Variants in DENND1B observed in about 807,000 individuals in gnomAD.
DENND1B encodes the protein DENN domain containing 1B, also known as DENN domain-containing protein 1B.
Under a neutral mutation model 90.1 loss-of-function variants are expected in DENND1B, and 59 were observed. The observed-to-expected ratio is 0.65, with a 90% confidence interval of 0.53 to 0.81. DENND1B has a LOEUF of 0.81. Ranked by LOEUF, DENND1B falls within the 40% of genes least tolerant of loss-of-function variation. The pLI is 0.00. For synonymous variants in DENND1B, 337 were observed against 324.6 expected, an observed-to-expected ratio of 1.04 and a Z score of -0.41; for missense variants, 862 against 912.6, an observed-to-expected ratio of 0.94 and a Z score of 0.71.
intron 13 of DENND1B, among the ~76,000 whole-genome samples, chr1:197,600,145 C>A (rs978897866): frequency 1.3e-5 from 2 of 151,818 alleles, no homozygotes; most frequent in Non-Finnish European, 2.9e-5. Flanking sequence ...CTGAGCTTGG[C>A]TGGACCACAA....
Position 197,540,024 on chromosome 1 carries a change from T to C in DENND1B, c.1455A>G (p.Thr485=), listed in dbSNP as rs780551354. ...YGTCSSSVQY[T]PVYKLHNEKG... The stretch of plus-strand genomic sequence containing the variant: ...TTTCATTGTGTAATTTGTAAACTGG[T>C]GTATATTGTACAGAACTAGAACAGG... Residue 485 remains threonine (T), a synonymous_variant, in exon 20 of 23, where the codon ACA becomes ACG. Transcript: ENST00000620048. 1.2e-6 allele frequency: 2 copies of C among 1,613,462 alleles called. No homozygotes were observed. Among genetic ancestry groups the C allele is most frequent in the Admixed American group, 1.7e-5 (1 of 59,992 alleles).
chr1:197,660,997 A>G (rs1328029348), intron 5 of DENND1B, among the ~76,000 whole-genome samples: 3 of 152,090 alleles, frequency 2.0e-5, no homozygotes, highest in African/African-American at 7.2e-5. Context: ...AGGCTCTAGG[A>G]GGGAGATGCT....
At chr1:197,645,036 T>C (rs1340171112) in intron 9 of DENND1B, among the ~76,000 whole-genome samples, 4 of 152,132 alleles carry the variant, frequency 2.6e-5, no homozygotes, top group African/African-American at 7.2e-5. Context: ...CTTCTACTTG[T>C]CTATGTAAAC....
intron 3 of DENND1B, chr1:197,690,219 C>A: frequency 6.9e-6 from 2 of 289,818 alleles, no homozygotes; most frequent in South Asian, 4.8e-5. Flanking sequence ...CAAAGATACT[C>A]GTCATGGCAA....
At chr1:197,735,445 A>G (rs1662553328) in intron 2 of DENND1B, 1 of 1,485,024 alleles carries the variant, frequency 6.7e-7, no homozygotes, top group Non-Finnish European at 8.9e-7. Flanking sequence ...GCTACTTCTC[A>G]TGGGTTCTCG....
rs576956429 is a variant in DENND1B, at chr1:197,628,498, C to T, written c.673-10739G>A. On this transcript the variant is annotated intron_variant, in intron 10 of 22. Coordinates refer to ENST00000620048, the MANE Select transcript of DENND1B (RefSeq NM_001195215.2). ...ATGTAGAAAGCTGAAACTGGATCCC[C>T]TCCTTACACCTTTTACAAAAATTAA... 6.1e-3 allele frequency among the ~76,000 whole-genome samples: 920 copies of T among 152,042 alleles called. 13 individuals carry two copies. The highest frequency in any genetic ancestry group is 0.02 in the African/African-American group (846 of 41,500).
chr1:197,594,917 G>GT (rs911182859), intron 14 of DENND1B, among the ~76,000 whole-genome samples: 8 of 152,092 alleles, frequency 5.3e-5, no homozygotes, highest in Non-Finnish European at 1.2e-4. Flanking sequence ...TTAAAATACA[G>GT]TAATACAAGT....
At chr1:197,649,576 C>T (rs1219775111) in intron 7 of DENND1B, among the ~76,000 whole-genome samples, 1 of 152,146 alleles carries the variant, frequency 6.6e-6, no homozygotes, top group Non-Finnish European at 1.5e-5. Context: ...ATACTAACAG[C>T]CAACTGATCT....
intron 2 of DENND1B, among the ~76,000 whole-genome samples, chr1:197,717,827 G>C (rs1002250238): frequency 6.6e-6 from 1 of 151,846 alleles, no homozygotes; most frequent in Non-Finnish European, 1.5e-5. Flanking sequence ...TACAAAAAGA[G>C]TATGCAGTAA....
chr1:197,559,951 A>C (rs1672026617), intron 15 of DENND1B, among the ~76,000 whole-genome samples: 3 of 151,958 alleles, frequency 2.0e-5, no homozygotes. Flanking sequence ...ATGTGGGAGA[A>C]TAGAAATAAA....
Position 197,674,128 on chromosome 1 carries a change from G to T in DENND1B, c.168C>A (p.Asp56Glu). The T allele has an allele frequency of 6.3e-7, 1 of 1,598,984 alleles. No homozygotes were observed. Among genetic ancestry groups the T allele is most frequent in the Non-Finnish European group, 8.5e-7 (1 of 1,170,178 alleles). Residue 56 changes from aspartate to glutamate, a missense_variant, in exon 4 of 23, where the codon GAC (aspartate) becomes GAA (glutamate). By Grantham distance (45) the Asp-to-Glu change is conservative (BLOSUM62 2). Coordinates refer to ENST00000620048, the MANE Select transcript of DENND1B (RefSeq NM_001195215.2). ...TGATACTTATACTGTACCTTTCAAC[G>T]TCAAAGGGAAAACAGAACTTTGGCA... The part of the protein sequence containing the change: ...QSVPKFCFPF[D>E]VERVSQNQVG...
chr1:197,546,966 T>A (rs1026669313), intron 16 of DENND1B, among the ~76,000 whole-genome samples, 193 bp from the exon 17 acceptor site: 2 of 152,206 alleles, frequency 1.3e-5, no homozygotes, highest in Non-Finnish European at 2.9e-5. Flanking sequence ...GTCAATAAGA[T>A]GATATCAGAA....
chr1:197,540,934 A>C, intron 19 of DENND1B, 25 bp downstream of exon 19: 2 of 1,596,970 alleles, frequency 1.3e-6, no homozygotes, highest in Non-Finnish European at 1.7e-6. Flanking sequence ...TCAAGGTAAA[A>C]TGGAAAAAAA....
intron 4 of DENND1B, among the ~76,000 whole-genome samples, chr1:197,672,560 A>G (rs1655619654): frequency 6.6e-6 from 1 of 152,052 alleles, no homozygotes; most frequent in Non-Finnish European, 1.5e-5. Context: ...TTGCTTAGAT[A>G]GCAAATCATG....
At chr1:197,737,699 G>A (rs1662833000) in intron 2 of DENND1B, among the ~76,000 whole-genome samples, 1 of 152,002 alleles carries the variant, frequency 6.6e-6, no homozygotes, top group South Asian at 2.1e-4. Flanking sequence ...TAGGTATCCA[G>A]GATCTAATTT....
At chr1:197,735,838 AAAAG>A (rs1558460627) in intron 2 of DENND1B, 1 of 1,605,688 alleles carries the variant, frequency 6.2e-7, no homozygotes, top group Non-Finnish European at 8.5e-7. Context: ...GAAGAAATTC[AAAAG>A]AAAAGAACTT....
chr1:197,697,068 A>G (rs1301630525), intron 3 of DENND1B, among the ~76,000 whole-genome samples: 2 of 150,302 alleles, frequency 1.3e-5, no homozygotes, highest in African/African-American at 4.9e-5. Flanking sequence ...ATGGAAAAGT[A>G]AAAACAGAAA....
intron 7 of DENND1B, among the ~76,000 whole-genome samples, chr1:197,647,394 T>A (rs1289840139): frequency 6.6e-6 from 1 of 152,174 alleles, no homozygotes; most frequent in Admixed American, 6.5e-5. Flanking sequence ...AGACATTAAC[T>A]TTTTATAAAA....
At chr1:197,550,839 T>A (rs907759559) in intron 16 of DENND1B, among the ~76,000 whole-genome samples, 10 of 151,776 alleles carry the variant, frequency 6.6e-5, no homozygotes, top group Non-Finnish European at 1.3e-4. Flanking sequence ...TCCTTGGGTG[T>A]TGTGAGGGTT....
Sources: allele counts gnomAD v4.1 joint callset (sites outside exome capture counted in the v4.1 genomes callset), GRCh38; gene constraint gnomAD v4.1.1; transcripts MANE v1.5; gene names NCBI Gene and HGNC (gene_info 2026-07-23, HGNC 2026-07-21).